The following RBMS1 variants were observed in gnomAD, a reference collection of about 807,000 sequenced individuals.
The protein encoded by RBMS1 is RNA-binding motif, single-stranded-interacting protein 1.
RBMS1 carries 17 observed loss-of-function variants against 62.3 expected under a neutral mutation model. The observed-to-expected ratio is 0.27, with a 90% CI of 0.19 to 0.41. RBMS1 has a LOEUF of 0.41. Among genes scored for constraint, RBMS1 ranks in the 10% least tolerant of loss-of-function variants. The probability of loss-of-function intolerance (pLI) is 1.00; values close to 1 mark genes in which losing one functional copy is unlikely to be tolerated. For missense variants in RBMS1, 334 were observed against 504.5 expected, an observed-to-expected ratio of 0.66 and a Z score of 3.24; for synonymous variants, 172 against 170.0, an observed-to-expected ratio of 1.01 and a Z score of -0.09.
intron 2 of RBMS1, among the ~76,000 whole-genome samples, chr2:160,362,215 C>T (rs1160797712): frequency 6.6e-6 from 1 of 152,212 alleles, no homozygotes; most frequent in Non-Finnish European, 1.5e-5. Context: ...TTCTCCACAT[C>T]AGCAATAAGG....
intron 3 of RBMS1, among the ~76,000 whole-genome samples, chr2:160,313,691 GTAGA>G (rs1373870593): frequency 6.6e-6 from 1 of 152,040 alleles, no homozygotes; most frequent in Non-Finnish European, 1.5e-5. Flanking sequence ...TGTTTATTTT[GTAGA>G]TAAACTTGTA....
At chr2:160,381,097 C>T (rs531305393) in intron 1 of RBMS1, among the ~76,000 whole-genome samples, 1 of 152,100 alleles carries the variant, frequency 6.6e-6, no homozygotes, top group African/African-American at 2.4e-5. Flanking sequence ...ACTTGGTCTG[C>T]CTTATAGACT....
At chr2:160,404,919 T>C (rs1030592052) in intron 1 of RBMS1, among the ~76,000 whole-genome samples, 9 of 152,344 alleles carry the variant, frequency 5.9e-5, no homozygotes, top group African/African-American at 1.7e-4. Flanking sequence ...GCAGTACATG[T>C]AGGCAGGCAG....
At chr2:160,439,782 C>G (rs182495228) in intron 1 of RBMS1, among the ~76,000 whole-genome samples, 101 of 152,344 alleles carry the variant, frequency 6.6e-4, no homozygotes, top group Admixed American at 1.4e-3. Context: ...ACTGAGTGAA[C>G]GAGACTCCGT....
chr2:160,432,047 G>A (rs1019526025), intron 1 of RBMS1, among the ~76,000 whole-genome samples: 5 of 152,038 alleles, frequency 3.3e-5, no homozygotes, highest in African/African-American at 1.2e-4. Flanking sequence ...TACAGAATAG[G>A]TATTCAATAC....
chr2:160,325,096 G>A (rs897256255), intron 2 of RBMS1, among the ~76,000 whole-genome samples: 1 of 151,866 alleles, frequency 6.6e-6, no homozygotes. Context: ...GTTTGCTTTG[G>A]AGTTTAAAGG....
Position 160,282,225 on chromosome 2 carries a change from G to A in RBMS1, c.901-861C>T, listed in dbSNP as rs762454794. On this transcript the variant is annotated intron_variant, in intron 9 of 13. Coordinates refer to ENST00000348849, the MANE Select transcript of RBMS1 (RefSeq NM_016836.4). ...GGTTCAACAGAGAGGATATGGGGAAGAGTCATGGGGGAAGAATGTATTGCG... is the reference window on the plus strand; with the variant it reads ...GGTTCAACAGAGAGGATATGGGGAAAAGTCATGGGGGAAGAATGTATTGCG... The A allele has an allele frequency of 3.7e-6, 5 of 1,364,374 alleles. No homozygotes were observed. The South Asian group carries it at 4.5e-5, about 12-fold the overall frequency. The allele number at this position is 1,364,374 out of a possible 1,614,324, so 84.5% of individuals were successfully genotyped here.
rs554041705 is a variant in RBMS1 at position 160,427,563 on chromosome 2, T to C, written c.76-60172A>G. On this transcript the variant is annotated intron_variant, in intron 1 of 13. Transcript: ENST00000348849. Reference sequence around the variant, plus strand: ...TATATTAATACATAGAGATTTCATATAGATCCAATTCCACAAGGGAATTAC... The same window carrying C: ...TATATTAATACATAGAGATTTCATACAGATCCAATTCCACAAGGGAATTAC... 1.6e-4 allele frequency among the ~76,000 whole-genome samples: 24 copies of C among 151,732 alleles called. No individual in the cohort carries two copies. The East Asian group carries it at 4.1e-3, about 26-fold the overall frequency.
intron 1 of RBMS1, among the ~76,000 whole-genome samples, chr2:160,462,684 C>T (rs1684516717): frequency 6.6e-6 from 1 of 152,214 alleles, no homozygotes; most frequent in Admixed American, 6.5e-5. Context: ...TCTCGGCTCA[C>T]TGCAACCTCT....
chr2:160,487,566 T>A (rs1328031844), intron 1 of RBMS1, among the ~76,000 whole-genome samples: 1 of 152,198 alleles, frequency 6.6e-6, no homozygotes, highest in Non-Finnish European at 1.5e-5. Context: ...GCCTCAGCAA[T>A]TTTACAACAA....
intron 1 of RBMS1, among the ~76,000 whole-genome samples, chr2:160,464,499 TGAGAGGTGC>T (rs1488717335): frequency 6.6e-6 from 1 of 152,176 alleles, no homozygotes; most frequent in Non-Finnish European, 1.5e-5. Context: ...AAATTCATGG[TGAGAGGTGC>T]CTCTGAGGAA....
chr2:160,463,237 G>C (rs1426201064), intron 1 of RBMS1, among the ~76,000 whole-genome samples: 1 of 152,206 alleles, frequency 6.6e-6, no homozygotes. Context: ...AAGATGTTCA[G>C]AGTGGTCAGG....
At chr2:160,306,541 T>C (rs1024124948) in intron 4 of RBMS1, among the ~76,000 whole-genome samples, 12 of 152,100 alleles carry the variant, frequency 7.9e-5, no homozygotes, top group African/African-American at 2.9e-4. Context: ...GGGATGACCT[T>C]TAGCGCTAAT....
chr2:160,493,119 C>G (rs1012539544), intron 1 of RBMS1, 170 bp downstream of exon 1: 1 of 612,852 alleles, frequency 1.6e-6, no homozygotes. Flanking sequence ...GAAGCCGCCG[C>G]CCCGCGCGCC....
intron 2 of RBMS1, among the ~76,000 whole-genome samples, chr2:160,319,123 G>T (rs1690399197): frequency 6.6e-6 from 1 of 152,132 alleles, no homozygotes; most frequent in Non-Finnish European, 1.5e-5. Context: ...CTCCATAGTG[G>T]CCATACTATA....
intron 1 of RBMS1, among the ~76,000 whole-genome samples, chr2:160,370,893 T>G (rs1478353137): frequency 6.6e-6 from 1 of 152,206 alleles, no homozygotes; most frequent in Non-Finnish European, 1.5e-5. Context: ...TGCCTTTAAG[T>G]TGACTTAATT....
Position 160,450,564 on chromosome 2 carries a change from GA to G in RBMS1, c.75+42724del, listed in dbSNP as rs1181640365. ...TCAAAAAAAATAAAAAATAAAAAAT[GA>G]AAAAAAAAAAAAAACAAAAAACATT... On this transcript the variant is annotated intron_variant, in intron 1 of 13. Coordinates refer to ENST00000348849, the MANE Select transcript of RBMS1 (RefSeq NM_016836.4). Among the ~76,000 whole-genome samples, 81 of 56,582 alleles carry G rather than the reference GA, an allele frequency of 1.4e-3. 1 individual carries two copies. Among genetic ancestry groups the G allele is most frequent in the Middle Eastern group, 0.01 (1 of 98 alleles). The allele number at this position is 56,582 out of a possible 152,430, so 37.1% of individuals were successfully genotyped here. A position where few individuals can be genotyped will look rare whatever the true frequency, so the allele number is the denominator to read the frequency against.
At chr2:160,339,498 A>G (rs1035859873) in intron 2 of RBMS1, among the ~76,000 whole-genome samples, 1 of 152,166 alleles carries the variant, frequency 6.6e-6, no homozygotes, top group Non-Finnish European at 1.5e-5. Flanking sequence ...GTGGTGATCT[A>G]AAAGTTCTGG....
At chr2:160,461,061 C>T (rs560035681) in intron 1 of RBMS1, among the ~76,000 whole-genome samples, 10 of 152,290 alleles carry the variant, frequency 6.6e-5, no homozygotes, top group African/African-American at 2.4e-4. Flanking sequence ...TAGTTTGAGA[C>T]CAGTCTGGGC....
Sources: allele counts gnomAD v4.1 joint callset (sites outside exome capture counted in the v4.1 genomes callset), GRCh38; gene constraint gnomAD v4.1.1; transcripts MANE v1.5; gene names NCBI Gene and HGNC (gene_info 2026-07-23, HGNC 2026-07-21).